Variants in ZMYND8 observed in about 807,000 individuals in gnomAD.
ZMYND8 encodes the protein MYND-type zinc finger-containing chromatin reader ZMYND8.
In ZMYND8, 37 loss-of-function variants were observed where a neutral mutation model predicts 140.8. The ratio of observed to expected loss-of-function variants is 0.26; its 90% CI spans 0.20 to 0.35. ZMYND8 has a LOEUF of 0.35. Ranked by LOEUF, ZMYND8 falls within the 10% of genes least tolerant of loss-of-function variation. ZMYND8 has a pLI of 1.00. For missense variants in ZMYND8, 1,068 were observed against 1,570.0 expected (o/e 0.68, Z 5.40); for synonymous variants, 592 against 597.1 (o/e 0.99, Z 0.12).
intron 18 of ZMYND8, 31 bp downstream of exon 18, chr20:47,227,172 C>G (rs760277478): frequency 1.2e-6 from 2 of 1,613,214 alleles, no homozygotes; most frequent in Non-Finnish European, 1.7e-6. Context: ...CCAAAACCCT[C>G]CTCAGTCCAG....
chr20:47,275,377 C>T (rs763869660), intron 11 of ZMYND8, among the ~76,000 whole-genome samples: 13 of 151,674 alleles, frequency 8.6e-5, no homozygotes, highest in Non-Finnish European at 1.3e-4. Flanking sequence ...ACCTGTAATC[C>T]CAGCTACTCG....
rs6018417 is a variant in ZMYND8, at chr20:47,347,755, G to A, written c.85+101C>T. 207 of 1,114,356 alleles carry A rather than the reference G, an allele frequency of 1.9e-4. No homozygotes were observed. In the Middle Eastern group the frequency reaches 2.3e-3, roughly 12 times the overall value. The allele number at this position is 1,114,356 out of a possible 1,614,324, so 69.0% of individuals were successfully genotyped here. A position where few individuals can be genotyped will look rare whatever the true frequency, so the allele number is the denominator to read the frequency against. ...CTGAAAATCCAAGAAGAGTTACAAC[G>A]TCGGCTCAGAGAGCCACACACTTCA... On this transcript the variant is annotated intron_variant, in intron 2 of 22. Transcript: ENST00000471951.
At chr20:47,278,938 C>T (rs1339343210) in intron 10 of ZMYND8, among the ~76,000 whole-genome samples, 2 of 151,980 alleles carry the variant, frequency 1.3e-5, no homozygotes, top group Non-Finnish European at 2.9e-5. Context: ...CCTGAGCTAG[C>T]CTCAGCTCTG....
chr20:47,238,744 G>C lies in ZMYND8; in HGVS notation c.2665+14C>G. The C allele has an allele frequency of 6.2e-7, 1 of 1,604,138 alleles. No homozygotes were observed. Among genetic ancestry groups the C allele is most frequent in the African/African-American group, 1.3e-5 (1 of 74,884 alleles). ...GAGCGGGCGCCACGGAGAACAGAAG[G>C]GGAGGCTCGGTACCTTTCACAGCCT... On this transcript the variant is annotated intron_variant, in intron 15 of 22. Coordinates refer to ENST00000471951, the MANE Select transcript of ZMYND8 (RefSeq NM_001281775.3).
intron 11 of ZMYND8, among the ~76,000 whole-genome samples, chr20:47,272,009 A>G (rs1339889134): frequency 6.6e-6 from 1 of 151,454 alleles, no homozygotes; most frequent in Non-Finnish European, 1.5e-5. Flanking sequence ...TCTGTAATAA[A>G]GAACTAATTT....
In ZMYND8 at chr20:47,226,047, A is replaced by G. The variant is rs547784953; in HGVS notation, c.3016+1156T>C. 4.0e-5 allele frequency among the ~76,000 whole-genome samples: 6 copies of G among 150,934 alleles called. No individual in the cohort carries two copies. In the South Asian group the frequency reaches 1.3e-3, roughly 32 times the overall value. On this transcript the variant is annotated intron_variant, in intron 18 of 22. Coordinates refer to ENST00000471951, the MANE Select transcript of ZMYND8 (RefSeq NM_001281775.3). ...ATGCCTGTAATCCCAGCTACTCGGG[A>G]GGCTGAGGCATGAAAATCACTTGAA...
intron 4 of ZMYND8, among the ~76,000 whole-genome samples, chr20:47,295,671 T>C (rs958320628): frequency 6.6e-6 from 1 of 152,224 alleles, no homozygotes; most frequent in Non-Finnish European, 1.5e-5. Context: ...TGTGTCAAAG[T>C]ACACAAGGAG....
At chr20:47,272,603 C>T (rs1024391369) in intron 11 of ZMYND8, among the ~76,000 whole-genome samples, 19 of 152,194 alleles carry the variant, frequency 1.2e-4, no homozygotes, top group African/African-American at 4.3e-4. Context: ...ACTTAGGCCA[C>T]CTAGCTAGCA....
chr20:47,210,954 T>G, intron 22 of ZMYND8, 57 bp from the exon 23 acceptor site: 1 of 1,584,908 alleles, frequency 6.3e-7, no homozygotes, highest in Non-Finnish European at 8.6e-7. Flanking sequence ...TGAGCACAAC[T>G]ATCCTGCAAT....
chr20:47,344,701 T>C (rs764529327), intron 2 of ZMYND8, among the ~76,000 whole-genome samples: 1 of 152,242 alleles, frequency 6.6e-6, no homozygotes, highest in Non-Finnish European at 1.5e-5. Flanking sequence ...ATGATGTTAA[T>C]AATAGAAGAA....
At chr20:47,317,178 A>G (rs568471950) in intron 2 of ZMYND8, among the ~76,000 whole-genome samples, 1 of 152,344 alleles carries the variant, frequency 6.6e-6, no homozygotes, top group African/African-American at 2.4e-5. Context: ...AAGGTCCAAC[A>G]AACAGTTTCA....
chr20:47,219,735 GATGTC>G (rs1355380113), intron 21 of ZMYND8, among the ~76,000 whole-genome samples: 1 of 152,074 alleles, frequency 6.6e-6, no homozygotes, highest in Non-Finnish European at 1.5e-5. Context: ...AAAAAACCTA[GATGTC>G]AAGTCTCAGA....
At position 47,228,893 on chromosome 20, in the gene ZMYND8, G is replaced by A. The variant is rs573195501; in HGVS notation, c.2937+833C>T. Among the ~76,000 whole-genome samples, 38 of 152,300 alleles carry A rather than the reference G, an allele frequency of 2.5e-4. No individual in the cohort carries two copies. The South Asian group carries it at 7.7e-3, about 31-fold the overall frequency. ...ACATTGTACCATCCACAGACAGCCG[G>A]CAAGTGGCCCACTCTCCAAGCCCTG... On this transcript the variant is annotated intron_variant, in intron 17 of 22. Transcript: ENST00000471951.
chr20:47,298,110 T>C lies in ZMYND8; in HGVS notation c.453+619A>G, dbSNP rs986274708. ...CCTCCTATTCCCATCCTGAATTTGT[T>C]TTCTTCACAGCACTTTTCTTTTAAT... On this transcript the variant is annotated intron_variant, in intron 4 of 22. Transcript: ENST00000471951. This position sits in a 1 kb window ranked among gnomAD's most constrained non-coding sequence, Gnocchi z 5.0. 1 of 298,024 alleles carries C rather than the reference T, an allele frequency of 3.4e-6. No individual in the cohort carries two copies. Among genetic ancestry groups the C allele is most frequent in the Non-Finnish European group, 5.0e-6 (1 of 201,784 alleles). 18.5% of individuals were successfully genotyped at this position (298,024 alleles called of 1,614,324 possible).
chr20:47,238,695 T>G lies in ZMYND8; in HGVS notation c.2665+63A>C, dbSNP rs571225925. The G allele has an allele frequency of 1.0e-3, 1,556 of 1,553,870 alleles. 2 individuals are homozygous for G. The highest frequency in any genetic ancestry group is 1.2e-3 in the Non-Finnish European group (1,413 of 1,151,038). On this transcript the variant is annotated intron_variant, in intron 15 of 22. Transcript: ENST00000471951. Reference sequence around the variant, plus strand: ...AAAAAAAATAAAAGAGCAATGACTTTCTCCTGTCGATGTGGCAAAATGGGA... The same window carrying G: ...AAAAAAAATAAAAGAGCAATGACTTGCTCCTGTCGATGTGGCAAAATGGGA...
intron 10 of ZMYND8, among the ~76,000 whole-genome samples, chr20:47,279,663 G>C (rs529203367): frequency 8.6e-5 from 13 of 151,462 alleles, no homozygotes; most frequent in Admixed American, 2.0e-4. Flanking sequence ...CTGACCTTAA[G>C]TTTTCTTATT....
At chr20:47,323,449 C>T (rs1478490901) in intron 2 of ZMYND8, among the ~76,000 whole-genome samples, 1 of 152,076 alleles carries the variant, frequency 6.6e-6, no homozygotes, top group Non-Finnish European at 1.5e-5. Flanking sequence ...TAGTCTCAAA[C>T]TTCTGGGGTC....
rs1351055823 is a variant in ZMYND8 at position 47,210,772 on chromosome 20, A to G, written c.3694T>C (p.Phe1232Leu). 5 of 1,613,950 alleles carry G rather than the reference A, an allele frequency of 3.1e-6. No homozygotes were observed. The highest frequency in any genetic ancestry group is 4.2e-6 in the Non-Finnish European group (5 of 1,180,022). ...GTCCCGATTCACTGCTAGTCCCAGA[A>G]GGTGTCCAGCCGAGACTCTTTCGGG... Reference protein sequence around the residue: ...LLPKESRLDTFWD With the variant: ...LLPKESRLDTLWD Residue 1232 changes from phenylalanine to leucine, a missense_variant, in exon 23 of 23, where the codon TTC becomes CTC. Physicochemically the swap from Phe to Leu is conservative, Grantham distance 22. Transcript: ENST00000471951.
chr20:47,240,745 G>A (rs1485330507), intron 14 of ZMYND8, among the ~76,000 whole-genome samples: 2 of 150,998 alleles, frequency 1.3e-5, no homozygotes, highest in Admixed American at 6.6e-5. Flanking sequence ...CAGCAGAGAC[G>A]GGGTTTCGCC....
Sources: allele counts gnomAD v4.1 joint callset (sites outside exome capture counted in the v4.1 genomes callset), GRCh38; gene constraint gnomAD v4.1.1; non-coding constraint Gnocchi (gnomAD v3.1); transcripts MANE v1.5; gene names NCBI Gene and HGNC (gene_info 2026-07-23, HGNC 2026-07-21).